The following EXOC3L2 variants were observed in gnomAD, a reference collection of about 807,000 sequenced individuals.
EXOC3L2 encodes exocyst complex component 3-like protein 2.
EXOC3L2 carries 17 observed loss-of-function variants against 44.4 expected under a neutral mutation model. That is an observed-to-expected ratio of 0.38 (90% confidence interval 0.26 to 0.57). The LOEUF is 0.57. EXOC3L2 is among the 20% of genes least tolerant of loss of function. EXOC3L2 has a pLI of 0.65. For missense variants in EXOC3L2, 541 were observed against 588.4 expected, an observed-to-expected ratio of 0.92 and a Z score of 0.83; for synonymous variants, 256 against 253.7, an observed-to-expected ratio of 1.01 and a Z score of -0.09.
intron 8 of EXOC3L2, among the ~76,000 whole-genome samples, chr19:45,223,191 CA>C (rs1203865249): frequency 6.6e-6 from 1 of 152,044 alleles, no homozygotes; most frequent in African/African-American, 2.4e-5. Flanking sequence ...AGATCGAGAC[CA>C]TCCTGGCCGA....
intron 2 of EXOC3L2, among the ~76,000 whole-genome samples, 200 bp from the exon 3 acceptor site, chr19:45,235,026 G>A (rs931561791): frequency 6.6e-6 from 1 of 152,124 alleles, no homozygotes; most frequent in Non-Finnish European, 1.5e-5. Context: ...AGGGGTCAGG[G>A]TGAGGGGCTC....
At chr19:45,218,158 T>TTGGCCCC in intron 9 of EXOC3L2, 39 bp downstream of exon 9, 1 of 1,034,902 alleles carries the variant, frequency 9.7e-7, no homozygotes, top group Non-Finnish European at 1.3e-6. Flanking sequence ...TCCCCTCTTT[T>TTGGCCCC]CCCCCACCCC....
chr19:45,239,084 T>C, intron 1 of EXOC3L2, 23 bp from the exon 2 acceptor site: 2 of 398,744 alleles, frequency 5.0e-6, no homozygotes, highest in South Asian at 1.3e-4. Context: ...ATAATGACCA[T>C]GGGCGATGCT....
chr19:45,242,861 CAAAA>C (rs56175442), intron 1 of EXOC3L2, among the ~76,000 whole-genome samples: 2 of 85,588 alleles, frequency 2.3e-5, no homozygotes, highest in African/African-American at 4.8e-5. Context: ...AACTCCATCT[CAAAA>C]AAAAAAAAAA....
At chr19:45,243,114 A>G (rs2122997643) in intron 1 of EXOC3L2, among the ~76,000 whole-genome samples, 1 of 152,120 alleles carries the variant, frequency 6.6e-6, no homozygotes, top group Non-Finnish European at 1.5e-5. Context: ...TTTAAAATTT[A>G]TTTTTTTGCT....
At position 45,238,881 on chromosome 19, in the gene EXOC3L2, G is replaced by A. The variant is rs534155452; in HGVS notation, c.165C>T (p.Arg55=). The change falls in exon 2 of 12, where the codon CGC becomes CGT. Residue 55 remains arginine (R), a synonymous_variant. Coordinates refer to ENST00000413988, the MANE Select transcript of EXOC3L2 (RefSeq NM_001382422.1). The surrounding 1 kb of genome is among the most constrained non-coding windows in gnomAD (Gnocchi z 5.5). The part of the protein sequence containing the change: ...SLPNGTSCRR[R]ATLEKLAGLA... ...GGCCCGCAAGCTTCTCCAGGGTGGC[G>A]CGGCGGCGACAAGATGTTCCATTGG... 7.5e-6 allele frequency: 3 copies of A among 399,200 alleles called. No homozygotes were observed. The highest frequency in any genetic ancestry group is 8.8e-5 in the Admixed American group (2 of 22,732). The allele number at this position is 399,200 out of a possible 1,614,324, so 24.7% of individuals were successfully genotyped here.
At position 45,213,158 on chromosome 19, in the gene EXOC3L2, G is replaced by C. The variant is rs1298637621; in HGVS notation, c.2320C>G (p.Leu774Val). 1.9e-6 allele frequency: 3 copies of C among 1,591,732 alleles called. No individual in the cohort carries two copies. Among genetic ancestry groups the C allele is most frequent in the Non-Finnish European group, 2.6e-6 (3 of 1,169,522 alleles). Reference protein sequence around the residue: ...CLSLPLFLGRLPLSRLARPSL... With the variant: ...CLSLPLFLGRVPLSRLARPSL... ...GGCCTGGCCAGCCGGGAGAGGGGGAGGCGGCCCAGGAAGAGAGGGAGGCTG... is the reference window on the plus strand; with the variant it reads ...GGCCTGGCCAGCCGGGAGAGGGGGACGCGGCCCAGGAAGAGAGGGAGGCTG... Residue 774 changes from leucine to valine, a missense_variant, in exon 12 of 12, where the codon CTC (leucine) becomes GTC (valine). Physicochemically the swap from Leu to Val is conservative, Grantham distance 32. Coordinates refer to ENST00000413988, the MANE Select transcript of EXOC3L2 (RefSeq NM_001382422.1).
At chr19:45,219,136 C>T (rs1969870453) in intron 8 of EXOC3L2, among the ~76,000 whole-genome samples, 1 of 151,938 alleles carries the variant, frequency 6.6e-6, no homozygotes, top group Non-Finnish European at 1.5e-5. Context: ...TTGCTTGAAC[C>T]TAGGAGGTGG....
chr19:45,213,540 C>T (rs980005805), intron 11 of EXOC3L2, among the ~76,000 whole-genome samples, 183 bp from the exon 12 acceptor site: 1 of 152,026 alleles, frequency 6.6e-6, no homozygotes, highest in African/African-American at 2.4e-5. Flanking sequence ...CACCTCATAC[C>T]AGCTCCCTCC....
At chr19:45,239,350 T>C (rs989330201) in intron 1 of EXOC3L2, among the ~76,000 whole-genome samples, 4 of 150,206 alleles carry the variant, frequency 2.7e-5, no homozygotes, top group Non-Finnish European at 5.9e-5. Flanking sequence ...CCTGAGTAGC[T>C]GGGACTACAG....
chr19:45,237,494 C>T (rs1362953725), intron 2 of EXOC3L2, among the ~76,000 whole-genome samples: 31 of 151,912 alleles, frequency 2.0e-4, no homozygotes, highest in Admixed American at 1.9e-3. Flanking sequence ...AGTGATAGAG[C>T]GAGACCTTGT....
rs893818001 is a variant in EXOC3L2 at position 45,217,791 on chromosome 19, C to T, written c.1843-108G>A. The T allele has an allele frequency of 7.2e-6, 9 of 1,254,104 alleles. No individual in the cohort carries two copies. In the East Asian group the frequency reaches 2.7e-4, roughly 38 times the overall value. The allele number at this position is 1,254,104 out of a possible 1,614,324, so 77.7% of individuals were successfully genotyped here. A position where few individuals can be genotyped will look rare whatever the true frequency, so the allele number is the denominator to read the frequency against. On this transcript the variant is annotated intron_variant, in intron 9 of 11. Transcript: ENST00000413988. ...CCCACTCGCCCACATCCACTCCGGGCACCCATGGGCACCCTTCCCGTGCCC... is the reference window on the plus strand; with the variant it reads ...CCCACTCGCCCACATCCACTCCGGGTACCCATGGGCACCCTTCCCGTGCCC...
chr19:45,237,026 G>T (rs1448584765), intron 2 of EXOC3L2, among the ~76,000 whole-genome samples: 3 of 150,838 alleles, frequency 2.0e-5, no homozygotes, highest in Non-Finnish European at 4.4e-5. Context: ...AAAAAAAAAG[G>T]AGGTCGCCAG....
At chr19:45,230,618 G>A (rs1970020863) in intron 4 of EXOC3L2, among the ~76,000 whole-genome samples, 1 of 152,068 alleles carries the variant, frequency 6.6e-6, no homozygotes, top group Admixed American at 6.6e-5. Context: ...CAAAGTGCTG[G>A]GATTACAGGT....
At chr19:45,227,449 C>T (rs1969977042) in intron 7 of EXOC3L2, among the ~76,000 whole-genome samples, 1 of 152,066 alleles carries the variant, frequency 6.6e-6, no homozygotes, top group South Asian at 2.1e-4. Context: ...AGTCTTGAGT[C>T]CGGCGTCTAG....
At chr19:45,237,700 G>A (rs573968685) in intron 2 of EXOC3L2, among the ~76,000 whole-genome samples, 1 of 151,650 alleles carries the variant, frequency 6.6e-6, no homozygotes, top group East Asian at 1.9e-4. Flanking sequence ...ATTGAATTAC[G>A]TCCCCCCAGA....
At chr19:45,235,764 A>G (rs1599767994) in intron 2 of EXOC3L2, among the ~76,000 whole-genome samples, 1 of 151,418 alleles carries the variant, frequency 6.6e-6, no homozygotes, top group South Asian at 2.1e-4. Flanking sequence ...CCCCCTCCTC[A>G]CCTCCCTCCA....
At chr19:45,218,158 T>TCCC in intron 9 of EXOC3L2, 39 bp downstream of exon 9, 41 of 1,034,892 alleles carry the variant, frequency 4.0e-5, no homozygotes, top group Non-Finnish European at 5.1e-5. Context: ...TCCCCTCTTT[T>TCCC]CCCCCACCCC....
intron 1 of EXOC3L2, among the ~76,000 whole-genome samples, chr19:45,243,938 A>G (rs900800863): frequency 7.1e-6 from 1 of 139,988 alleles, no homozygotes; most frequent in African/African-American, 2.7e-5. Flanking sequence ...CTTCTCTTTT[A>G]TTTTTTAGAC....
Sources: gnomAD v4.1 joint callset for allele counts (sites outside exome capture counted in the v4.1 genomes callset) on GRCh38, gnomAD v4.1.1 for gene constraint, Gnocchi (gnomAD v3.1) non-coding constraint, MANE v1.5 for transcripts, NCBI Gene and HGNC (gene_info 2026-07-23, HGNC 2026-07-21) for gene names.